STK32B: variants seen among roughly 807,000 people sequenced by gnomAD.
STK32B encodes the protein serine/threonine kinase 32B.
Under a neutral mutation model 52.6 loss-of-function variants are expected in STK32B, and 43 were observed. The ratio of observed to expected loss-of-function variants is 0.82; its 90% CI spans 0.64 to 1.05. The LOEUF is 1.05. Ranked by LOEUF, STK32B falls within the 50% of genes least tolerant of loss-of-function variation. The pLI is 0.00. For synonymous variants in STK32B, 238 were observed against 204.3 expected, an observed-to-expected ratio of 1.17 and a Z score of -1.41; for missense variants, 621 against 534.6, an observed-to-expected ratio of 1.16 and a Z score of -1.59.
intron 3 of STK32B, among the ~76,000 whole-genome samples, chr4:5,245,767 G>C (rs1725403040): frequency 6.6e-6 from 1 of 152,122 alleles, no homozygotes; most frequent in Non-Finnish European, 1.5e-5. Flanking sequence ...GGGCAGGCCT[G>C]GTGGTGACAC....
chr4:5,127,729 A>G (rs1051193164), intron 1 of STK32B, among the ~76,000 whole-genome samples: 7 of 152,206 alleles, frequency 4.6e-5, no homozygotes, highest in South Asian at 2.1e-4. Flanking sequence ...GGGAAGGCCA[A>G]GGATGGCTGA....
intron 4 of STK32B, among the ~76,000 whole-genome samples, chr4:5,379,216 G>A (rs950218785): frequency 9.2e-5 from 14 of 152,230 alleles, no homozygotes; most frequent in South Asian, 6.2e-4. Context: ...TCCAAAGCCC[G>A]TGGCATCGGC....
intron 3 of STK32B, among the ~76,000 whole-genome samples, chr4:5,188,989 G>T (rs969997594): frequency 6.6e-6 from 1 of 150,858 alleles, no homozygotes; most frequent in Non-Finnish European, 1.5e-5. Context: ...TTGTGCACGT[G>T]TACCCTAGAA....
chr4:5,330,142 C>A (rs886417844), intron 3 of STK32B, among the ~76,000 whole-genome samples: 1 of 152,258 alleles, frequency 6.6e-6, no homozygotes, highest in Non-Finnish European at 1.5e-5. Context: ...GCCTCAGTTT[C>A]CTGTTCTGTT....
In STK32B at chr4:5,331,280, C is replaced by T; in HGVS notation, c.321C>T (p.Asp107=). 1 of 1,613,960 alleles carries T rather than the reference C, an allele frequency of 6.2e-7. No individual in the cohort carries two copies. The highest frequency in any genetic ancestry group is 8.5e-7 in the Non-Finnish European group (1 of 1,179,916). ...TGGTGGACCTGCTCCTGGGAGGCGA[C>T]CTGCGCTACCATCTGCAGCAGAATG... is the stretch of plus-strand genomic sequence containing the variant. ...FMVVDLLLGG[D]LRYHLQQNVH... The change falls in exon 4 of 12, where the codon GAC becomes GAT. Residue 107 remains aspartate (D), a synonymous_variant. Transcript: ENST00000282908.
intron 5 of STK32B, among the ~76,000 whole-genome samples, chr4:5,414,553 T>C (rs1406995530): frequency 1.3e-5 from 2 of 152,144 alleles, no homozygotes; most frequent in Non-Finnish European, 2.9e-5. Flanking sequence ...TGGGGGACAT[T>C]GGGGAGCACT....
chr4:5,323,425 C>G (rs6812939), intron 3 of STK32B, among the ~76,000 whole-genome samples: 51,495 of 151,954 alleles, frequency 0.34, 12,843 homozygotes, highest in African/African-American at 0.7. Context: ...TTCTGGACTC[C>G]CTCATCAGGT....
chr4:5,073,089 G>T (rs6847646), intron 1 of STK32B, among the ~76,000 whole-genome samples: 121,002 of 151,924 alleles, frequency 0.8, 48,440 homozygotes, highest in East Asian at 0.98. Context: ...AGTTGGGTCT[G>T]CCTTTTGTAT....
At chr4:5,220,462 A>G in intron 3 of STK32B, among the ~76,000 whole-genome samples, 1 of 152,224 alleles carries the variant, frequency 6.6e-6, no homozygotes, top group Non-Finnish European at 1.5e-5. Flanking sequence ...GATGAAATTG[A>G]CCTTTGAACT....
chr4:5,447,627 C>T (rs1474043062), intron 7 of STK32B, among the ~76,000 whole-genome samples: 4 of 152,116 alleles, frequency 2.6e-5, no homozygotes, highest in Non-Finnish European at 5.9e-5. Context: ...CAGAGTGAGG[C>T]CCTGTCTCAG....
At chr4:5,130,170 G>GGA (rs1715663875) in intron 1 of STK32B, among the ~76,000 whole-genome samples, 1 of 148,268 alleles carries the variant, frequency 6.7e-6, no homozygotes, top group African/African-American at 2.5e-5. Context: ...ACCTTCTCCG[G>GGA]CGGGGGGAGG....
rs74342781 is a variant in STK32B at position 5,289,511 on chromosome 4, A to C, written c.261-41709A>C. Among the ~76,000 whole-genome samples the C allele has an allele frequency of 6.3e-3, 957 of 152,154 alleles. 19 individuals are homozygous for C. Among genetic ancestry groups the C allele is most frequent in the Middle Eastern group, 0.017 (5 of 292 alleles). ...CCAATAAATATATAAATATATAAAG[A>C]GGTGTTCAGTCTCATTAGATGTCAG... On this transcript the variant is annotated intron_variant, in intron 3 of 11. Transcript: ENST00000282908.
At chr4:5,285,026 CAG>C (rs1353560996) in intron 3 of STK32B, among the ~76,000 whole-genome samples, 1 of 126,038 alleles carries the variant, frequency 7.9e-6, no homozygotes, top group African/African-American at 5.1e-5. Context: ...ATCTTATAAA[CAG>C]AGATGTAAAC....
chr4:5,452,899 T>C (rs922010777), intron 7 of STK32B, among the ~76,000 whole-genome samples: 4 of 152,068 alleles, frequency 2.6e-5, no homozygotes, highest in Admixed American at 2.6e-4. Context: ...CTTTACCTTA[T>C]AAATACCACC....
At chr4:5,385,291 T>C (rs1285160663) in intron 4 of STK32B, among the ~76,000 whole-genome samples, 1 of 151,774 alleles carries the variant, frequency 6.6e-6, no homozygotes, top group Non-Finnish European at 1.5e-5. Context: ...AAGGTCTGGG[T>C]GTCAGGGCAG....
At chr4:5,023,452 T>C in the STK32B span, among the ~76,000 whole-genome samples, 1 of 152,188 alleles carries the variant, frequency 6.6e-6, no homozygotes, top group Non-Finnish European at 1.5e-5. Context: ...GCTCTTTGCC[T>C]CTTACAACTT....
At chr4:5,319,916 C>A (rs1320128500) in intron 3 of STK32B, among the ~76,000 whole-genome samples, 1 of 152,102 alleles carries the variant, frequency 6.6e-6, no homozygotes, top group Non-Finnish European at 1.5e-5. Flanking sequence ...AGACCTTGCC[C>A]CACTTAGCCA....
chr4:5,037,926 A>T, the STK32B span, among the ~76,000 whole-genome samples: 1 of 152,130 alleles, frequency 6.6e-6, no homozygotes, highest in Non-Finnish European at 1.5e-5. Context: ...GAATGAATGG[A>T]TAACTGAAGG....
rs140490611 is a variant in STK32B, at chr4:5,174,969, A to T, written c.260+6519A>T. 7.9e-4 allele frequency among the ~76,000 whole-genome samples: 121 copies of T among 152,322 alleles called. 1 individual carries two copies. In the East Asian group the frequency reaches 0.022, roughly 28 times the overall value. On this transcript the variant is annotated intron_variant, in intron 3 of 11. Coordinates refer to ENST00000282908, the MANE Select transcript of STK32B (RefSeq NM_018401.3). ...AGATGTAGATTTGGTCTTTTCACAT[A>T]GTCCCATATTTCTTGTAGGCTTTGT...
Sources: gnomAD v4.1 joint callset for allele counts (sites outside exome capture counted in the v4.1 genomes callset) on GRCh38, gnomAD v4.1.1 for gene constraint, MANE v1.5 for transcripts, NCBI Gene and HGNC (gene_info 2026-07-23, HGNC 2026-07-21) for gene names.